Variants in DLGAP2 observed in about 807,000 individuals in gnomAD.
The protein encoded by DLGAP2 is disks large-associated protein 2.
Under a neutral mutation model 100.3 loss-of-function variants are expected in DLGAP2, and 26 were observed. The ratio of observed to expected loss-of-function variants is 0.26; its 90% CI spans 0.19 to 0.36. The LOEUF (loss-of-function observed/expected upper bound fraction) is 0.36, where lower values mean the gene tolerates loss of function less well. Among genes scored for constraint, DLGAP2 ranks in the 10% least tolerant of loss-of-function variants. The pLI, the probability that DLGAP2 is intolerant of heterozygous loss-of-function variation, is 1.00. For synonymous variants in DLGAP2, 886 were observed against 630.1 expected (o/e 1.41, Z -6.08); for missense variants, 1,858 against 1,453.2 (o/e 1.28, Z -4.53).
chr8:1,648,584 A>T (rs1306477091), intron 8 of DLGAP2, among the ~76,000 whole-genome samples: 1 of 152,022 alleles, frequency 6.6e-6, no homozygotes, highest in Non-Finnish European at 1.5e-5. Flanking sequence ...CTGTTATGAG[A>T]TCCCCAGGTC....
At chr8:1,050,642 T>TGGGATAATTCTTCCAACCCAGTCTC (rs1337584453) in intron 2 of DLGAP2, among the ~76,000 whole-genome samples, 1 of 152,200 alleles carries the variant, frequency 6.6e-6, no homozygotes, top group African/African-American at 2.4e-5. Flanking sequence ...CCCATGTACA[T>TGGGATAATTCTTCCAACCCAGTCTC]GGGATAATTC....
At chr8:860,730 T>C (rs769673267) in intron 1 of DLGAP2, among the ~76,000 whole-genome samples, 23 of 152,194 alleles carry the variant, frequency 1.5e-4, no homozygotes, top group Non-Finnish European at 2.2e-4. Context: ...AACATAATCG[T>C]GTGCGTGTGG....
At chr8:1,684,701 T>G (rs4602919) in intron 12 of DLGAP2, among the ~76,000 whole-genome samples, 14,753 of 151,532 alleles carry the variant, frequency 0.097, 1,027 homozygotes, top group East Asian at 0.23. Flanking sequence ...ACTTTCAAGA[T>G]ATTAAATCAT....
intron 1 of DLGAP2, among the ~76,000 whole-genome samples, chr8:846,670 A>G (rs1409823923): frequency 6.6e-6 from 1 of 152,220 alleles, no homozygotes; most frequent in Non-Finnish European, 1.5e-5. Context: ...TTGCTGGATC[A>G]TATGGTAGTT....
At chr8:1,627,687 C>T (rs11996593) in intron 7 of DLGAP2, among the ~76,000 whole-genome samples, 2,825 of 152,230 alleles carry the variant, frequency 0.019, 100 homozygotes, top group African/African-American at 0.065. Context: ...GGATTAAGAG[C>T]CTGAGCCGAC....
chr8:1,198,186 G>T (rs911848423), intron 2 of DLGAP2, among the ~76,000 whole-genome samples: 1 of 152,110 alleles, frequency 6.6e-6, no homozygotes, highest in Admixed American at 6.5e-5. Context: ...GGGCTATGCT[G>T]CGGCGAAAAG....
intron 2 of DLGAP2, among the ~76,000 whole-genome samples, chr8:978,796 CA>C (rs1382368413): frequency 3.3e-5 from 5 of 152,244 alleles, no homozygotes; most frequent in Admixed American, 2.0e-4. Context: ...GAAGACTTTT[CA>C]AACAGCTTAC....
intron 2 of DLGAP2, among the ~76,000 whole-genome samples, chr8:957,616 C>T (rs1006310676): frequency 6.6e-6 from 1 of 152,168 alleles, no homozygotes; most frequent in African/African-American, 2.4e-5. Context: ...GTTGCAATTT[C>T]TTAGTGTTGA....
chr8:1,275,789 A>C (rs1376275391), intron 3 of DLGAP2, among the ~76,000 whole-genome samples: 1 of 128,838 alleles, frequency 7.8e-6, no homozygotes, highest in African/African-American at 3.0e-5. Flanking sequence ...AAAAATATAT[A>C]ATATATAAAT....
chr8:1,041,462 A>G (rs1802344594), intron 2 of DLGAP2, among the ~76,000 whole-genome samples: 1 of 152,058 alleles, frequency 6.6e-6, no homozygotes, highest in Non-Finnish European at 1.5e-5. Flanking sequence ...AGGATGTGGC[A>G]TTTTCTCCTT....
chr8:1,321,316 G>A (rs546411487), intron 3 of DLGAP2, among the ~76,000 whole-genome samples: 34 of 151,614 alleles, frequency 2.2e-4, no homozygotes, highest in African/African-American at 6.5e-4. Context: ...GTGTCTCTGC[G>A]TGTGCGTGTG....
chr8:1,640,313 G>C (rs781118926), intron 8 of DLGAP2, among the ~76,000 whole-genome samples: 1 of 129,344 alleles, frequency 7.7e-6, no homozygotes, highest in African/African-American at 3.4e-5. Context: ...GGTCCTCAGT[G>C]TCAGACCTGC....
chr8:1,625,427 A>G (rs1368913099), intron 6 of DLGAP2, among the ~76,000 whole-genome samples: 1 of 152,218 alleles, frequency 6.6e-6, no homozygotes, highest in Non-Finnish European at 1.5e-5. Context: ...ATTTCACAAA[A>G]CGGCGAGAAG....
intron 4 of DLGAP2, among the ~76,000 whole-genome samples, chr8:1,547,375 T>C (rs1011658521): frequency 6.6e-6 from 1 of 151,526 alleles, no homozygotes; most frequent in African/African-American, 2.4e-5. Flanking sequence ...TGGGGTGCAT[T>C]TGAGGGGGTC....
At chr8:883,582 GC>G (rs1797858228) in intron 1 of DLGAP2, among the ~76,000 whole-genome samples, 1 of 151,000 alleles carries the variant, frequency 6.6e-6, no homozygotes, top group African/African-American at 2.4e-5. Flanking sequence ...CGCGTGTGCC[GC>G]GGCGGTTCGT....
At chr8:1,178,827 C>G (rs1797317927) in intron 2 of DLGAP2, among the ~76,000 whole-genome samples, 1 of 152,238 alleles carries the variant, frequency 6.6e-6, no homozygotes, top group African/African-American at 2.4e-5. Flanking sequence ...TCTGTCCACC[C>G]TGGTTTCTCA....
intron 3 of DLGAP2, among the ~76,000 whole-genome samples, chr8:1,264,292 G>A (rs900005641): frequency 2.6e-5 from 4 of 152,092 alleles, no homozygotes; most frequent in Non-Finnish European, 5.9e-5. Flanking sequence ...ATGGGGCTGG[G>A]GTTGCGGTCT....
intron 2 of DLGAP2, among the ~76,000 whole-genome samples, chr8:1,193,880 C>T (rs950061269): frequency 4.6e-5 from 7 of 152,122 alleles, no homozygotes; most frequent in Non-Finnish European, 7.4e-5. Context: ...CGCACCGCGC[C>T]GCCCCCGCCT....
At chr8:1,617,734 C>A (rs560498005) in intron 6 of DLGAP2, among the ~76,000 whole-genome samples, 1 of 152,222 alleles carries the variant, frequency 6.6e-6, no homozygotes, top group South Asian at 2.1e-4. Context: ...CCATTATCTA[C>A]CATAATGGAC....
Sources: gnomAD v4.1 joint callset for allele counts (sites outside exome capture counted in the v4.1 genomes callset) on GRCh38, gnomAD v4.1.1 for gene constraint, MANE v1.5 for transcripts, NCBI Gene and HGNC (gene_info 2026-07-23, HGNC 2026-07-21) for gene names.